Variants in SGK3 observed in about 807,000 individuals in gnomAD.
SGK3 encodes the protein serum/glucocorticoid regulated kinase family member 3, also known as serine/threonine-protein kinase Sgk3.
Under a neutral mutation model 68.5 loss-of-function variants are expected in SGK3, and 47 were observed. The ratio of observed to expected loss-of-function variants is 0.69; its 90% CI spans 0.54 to 0.87. SGK3 has a LOEUF of 0.87. Among genes scored for constraint, SGK3 ranks in the 40% least tolerant of loss-of-function variants. The pLI, the probability that SGK3 is intolerant of heterozygous loss-of-function variation, is 0.00. For synonymous variants in SGK3, 181 were observed against 189.1 expected, an observed-to-expected ratio of 0.96 and a Z score of 0.35; for missense variants, 479 against 575.5, an observed-to-expected ratio of 0.83 and a Z score of 1.72.
chr8:66,828,103 G>A (rs1159408567), intron 6 of SGK3, among the ~76,000 whole-genome samples: 3 of 151,298 alleles, frequency 2.0e-5, no homozygotes, highest in African/African-American at 4.9e-5. Context: ...CAGCCTGGGC[G>A]ACAGAGGGAG....
In SGK3 at chr8:66,840,908, C is replaced by G. The variant is rs938276874; in HGVS notation, c.892-116C>G. The G allele has an allele frequency of 4.9e-5, 31 of 638,324 alleles. No homozygotes were observed. The African/African-American group carries it at 5.4e-4, about 11-fold the overall frequency. 39.5% of individuals were successfully genotyped at this position (638,324 alleles called of 1,614,324 possible). On this transcript the variant is annotated intron_variant, in intron 12 of 16. Coordinates refer to ENST00000521198, the MANE Select transcript of SGK3 (RefSeq NM_001033578.3). ...AGTGAGCCGAGATCACACCACTGCA[C>G]TCCAGCCTGGGCAACAGAGTAAGAC...
chr8:66,744,947 C>G (rs1032802182), intron 1 of SGK3, among the ~76,000 whole-genome samples: 2 of 151,898 alleles, frequency 1.3e-5, no homozygotes, highest in African/African-American at 4.8e-5. Flanking sequence ...TACTTGCCAA[C>G]ATTACTATTG....
chr8:66,830,994 G>C (rs916507965), intron 7 of SGK3, among the ~76,000 whole-genome samples: 2 of 152,204 alleles, frequency 1.3e-5, no homozygotes, highest in African/African-American at 4.8e-5. Flanking sequence ...CCCAAAGAGA[G>C]TATTATTGAA....
At chr8:66,849,111 C>T (rs766381182) in intron 15 of SGK3, among the ~76,000 whole-genome samples, 3 of 152,138 alleles carry the variant, frequency 2.0e-5, no homozygotes, top group Non-Finnish European at 4.4e-5. Flanking sequence ...TCTTTTCTTC[C>T]GTGCTGTCTT....
chr8:66,722,293 G>A (rs1359453073), intron 1 of SGK3, among the ~76,000 whole-genome samples: 1 of 151,966 alleles, frequency 6.6e-6, no homozygotes, highest in Non-Finnish European at 1.5e-5. Flanking sequence ...CTTGTTTTTT[G>A]TTTTCTTGAG....
intron 1 of SGK3, among the ~76,000 whole-genome samples, chr8:66,757,129 ATT>A (rs796848968): frequency 4.0e-4 from 43 of 107,006 alleles, no homozygotes; most frequent in Non-Finnish European, 2.8e-4. Context: ...CTCAGGCCCT[ATT>A]TTTTTTTTTT....
chr8:66,826,697 T>C (rs944129041), intron 6 of SGK3, among the ~76,000 whole-genome samples: 8 of 152,296 alleles, frequency 5.3e-5, no homozygotes, highest in African/African-American at 1.9e-4. Flanking sequence ...CACGGTGGAA[T>C]GCAGTGCCGC....
intron 4 of SGK3, among the ~76,000 whole-genome samples, chr8:66,808,040 A>T (rs1050404209): frequency 3.3e-5 from 5 of 152,170 alleles, no homozygotes; most frequent in Admixed American, 3.3e-4. Context: ...TCTGTAGGAA[A>T]AGGTATGGGG....
chr8:66,728,903 G>A (rs112578129), intron 1 of SGK3, among the ~76,000 whole-genome samples: 19,838 of 151,064 alleles, frequency 0.13, 2,493 homozygotes, highest in African/African-American at 0.33. Context: ...GCAACAGAGC[G>A]AAACTCTGCC....
At chr8:66,759,620 C>T (rs1301034824) in intron 1 of SGK3, among the ~76,000 whole-genome samples, 2 of 151,864 alleles carry the variant, frequency 1.3e-5, no homozygotes, top group African/African-American at 4.8e-5. Context: ...TTAGTAGAGA[C>T]GTTGTTTCAC....
At chr8:66,736,093 T>G (rs1456889759) in intron 1 of SGK3, among the ~76,000 whole-genome samples, 1 of 152,216 alleles carries the variant, frequency 6.6e-6, no homozygotes, top group Non-Finnish European at 1.5e-5. Flanking sequence ...GAATGGGGGC[T>G]GTGGACTTAC....
At chr8:66,820,602 T>C (rs1320622576) in intron 5 of SGK3, among the ~76,000 whole-genome samples, 1 of 152,258 alleles carries the variant, frequency 6.6e-6, no homozygotes, top group African/African-American at 2.4e-5. Flanking sequence ...AAGGTAACTC[T>C]GTGTTTAACT....
intron 11 of SGK3, 44 bp downstream of exon 11, chr8:66,840,159 T>C (rs1469803339): frequency 1.3e-6 from 2 of 1,599,422 alleles, no homozygotes. Context: ...TATAACAATA[T>C]TTTATTTCGG....
chr8:66,749,932 G>T (rs1223386238), intron 1 of SGK3, among the ~76,000 whole-genome samples: 2 of 144,834 alleles, frequency 1.4e-5, no homozygotes, highest in Non-Finnish European at 3.0e-5. Context: ...TAGTTTCTAG[G>T]GTGTGTGTGT....
chr8:66,840,535 A>G (rs1809758791), intron 12 of SGK3: 1 of 301,880 alleles, frequency 3.3e-6, no homozygotes. Context: ...GCATGCATGT[A>G]AAAAGTGAAA....
chr8:66,784,747 T>C (rs114188142), intron 1 of SGK3, among the ~76,000 whole-genome samples: 138 of 152,266 alleles, frequency 9.1e-4, no homozygotes, highest in African/African-American at 3.1e-3. Flanking sequence ...AATATTTGGA[T>C]CAGTAACATT....
intron 5 of SGK3, among the ~76,000 whole-genome samples, chr8:66,816,493 G>A (rs926569023): frequency 5.3e-5 from 8 of 151,592 alleles, no homozygotes; most frequent in South Asian, 2.1e-4. Flanking sequence ...TTACAGGTGC[G>A]CGCCACCACG....
At chr8:66,714,954 C>T (rs1331725067) in intron 1 of SGK3, among the ~76,000 whole-genome samples, 6 of 152,174 alleles carry the variant, frequency 3.9e-5, no homozygotes, top group African/African-American at 1.4e-4. Flanking sequence ...CTCCAAATGG[C>T]TTCAGATATC....
chr8:66,723,175 G>A lies in SGK3; in HGVS notation c.-122+10342G>A, dbSNP rs1291182279. On this transcript the variant is annotated intron_variant, in intron 1 of 16. Coordinates refer to ENST00000521198, the MANE Select transcript of SGK3 (RefSeq NM_001033578.3). The stretch of plus-strand genomic sequence containing the variant: ...TTTGTAAAAGGGTCGGCTGGGCACA[G>A]CGACTTACGCCTGTAATCCCAGCAC... Among the ~76,000 whole-genome samples the A allele has an allele frequency of 3.3e-5, 4 of 122,016 alleles. No individual in the cohort carries two copies. The South Asian group carries it at 8.3e-4, about 25-fold the overall frequency. 80.0% of individuals were successfully genotyped at this position (122,016 alleles called of 152,430 possible).
Sources: gnomAD v4.1 joint callset for allele counts (sites outside exome capture counted in the v4.1 genomes callset) on GRCh38, gnomAD v4.1.1 for gene constraint, MANE v1.5 for transcripts, NCBI Gene and HGNC (gene_info 2026-07-23, HGNC 2026-07-21) for gene names.